PLEKHA8: variants seen among roughly 807,000 people sequenced by gnomAD.
PLEKHA8 encodes pleckstrin homology domain containing A8.
Under a neutral mutation model 68.2 loss-of-function variants are expected in PLEKHA8, and 36 were observed. The observed-to-expected ratio is 0.53, with a 90% CI of 0.40 to 0.70. The LOEUF is 0.70. Among genes scored for constraint, PLEKHA8 ranks in the 30% least tolerant of loss-of-function variants. The pLI is 0.00. For synonymous variants in PLEKHA8, 211 were observed against 216.1 expected, an observed-to-expected ratio of 0.98 and a Z score of 0.20; for missense variants, 505 against 615.4, an observed-to-expected ratio of 0.82 and a Z score of 1.90.
At chr7:30,048,528 T>G (rs1792144575) in intron 4 of PLEKHA8, among the ~76,000 whole-genome samples, 1 of 152,226 alleles carries the variant, frequency 6.6e-6, no homozygotes, top group South Asian at 2.1e-4. Context: ...TTTTAGCATT[T>G]ATTAATACAG....
chr7:30,076,500 T>G (rs1318999923), intron 13 of PLEKHA8, among the ~76,000 whole-genome samples: 1 of 152,208 alleles, frequency 6.6e-6, no homozygotes, highest in Non-Finnish European at 1.5e-5. Context: ...GCACTAGATG[T>G]TGTTTTAAGT....
In PLEKHA8 at chr7:30,080,369, G is replaced by A. The variant is rs1794864929; in HGVS notation, c.*1582G>A. 1.0e-6 allele frequency: 1 copy of A among 985,166 alleles called. No homozygotes were observed. Among genetic ancestry groups the A allele is most frequent in the Non-Finnish European group, 1.2e-6 (1 of 829,906 alleles). 61.0% of individuals were successfully genotyped at this position (985,166 alleles called of 1,614,324 possible). On this transcript the variant is annotated 3_prime_UTR_variant, in exon 14 of 14. Transcript: ENST00000449726. ...GGCTACTTCCTTCTAGTAACAGGAAGGGAAGTTCCAGCATGAGGTAGTTAT... is the reference window on the plus strand; with the variant it reads ...GGCTACTTCCTTCTAGTAACAGGAAAGGAAGTTCCAGCATGAGGTAGTTAT...
chr7:30,093,388 A>T (rs937119486), downstream of PLEKHA8, among the ~76,000 whole-genome samples: 2 of 152,228 alleles, frequency 1.3e-5, no homozygotes, highest in African/African-American at 4.8e-5. Context: ...GTCTTGCTCA[A>T]GGTGGGTGAG....
Position 30,067,566 on chromosome 7 carries a change from C to T in PLEKHA8, c.1300+4824C>T, listed in dbSNP as rs2127991832. Among the ~76,000 whole-genome samples the T allele has an allele frequency of 2.6e-5, 4 of 152,356 alleles. 1 individual carries two copies. The Middle Eastern group carries it at 0.014, about 518-fold the overall frequency. On this transcript the variant is annotated intron_variant, in intron 12 of 13. Transcript: ENST00000449726. Reference sequence around the variant, plus strand: ...TCAATACAGTTAAGTGCCCACGTGTCACTCCTTAATCCCGTGACTCCCATC... The same window carrying T: ...TCAATACAGTTAAGTGCCCACGTGTTACTCCTTAATCCCGTGACTCCCATC...
At chr7:30,052,182 A>G (rs1220866296) in intron 6 of PLEKHA8, among the ~76,000 whole-genome samples, 1 of 152,184 alleles carries the variant, frequency 6.6e-6, no homozygotes, top group Non-Finnish European at 1.5e-5. Context: ...GGGACTGCTG[A>G]GGTGCTGGGA....
chr7:30,092,980 A>G (rs1184771829), downstream of PLEKHA8, among the ~76,000 whole-genome samples: 1 of 152,226 alleles, frequency 6.6e-6, no homozygotes, highest in Non-Finnish European at 1.5e-5. Context: ...TTAGGATTCT[A>G]TCACTTGAAA....
chr7:30,122,893 A>G (rs1006672251), intron 13 of PLEKHA8, among the ~76,000 whole-genome samples: 1 of 152,184 alleles, frequency 6.6e-6, no homozygotes, highest in Non-Finnish European at 1.5e-5. Context: ...TGGGAGAGAG[A>G]GAGAGGAAGG....
rs1791289801 is a variant in PLEKHA8 at position 30,038,638 on chromosome 7, C to CA, written c.41-6446dup. Among the ~76,000 whole-genome samples, 3 of 152,228 alleles carry CA rather than the reference C, an allele frequency of 2.0e-5. No individual in the cohort carries two copies. The South Asian group carries it at 6.2e-4, about 32-fold the overall frequency. ...AAAGGACTATGCATTTATCAAAACT[C>CA]AGAATTGTTCGCCAAATAATGAATT... On this transcript the variant is annotated intron_variant, in intron 1 of 13. Coordinates refer to ENST00000449726, the MANE Select transcript of PLEKHA8 (RefSeq NM_001197026.2).
Position 30,056,742 on chromosome 7 carries a change from AGTGTGTGTG to A in PLEKHA8, c.1039+1401_1039+1409del, listed in dbSNP as rs1202899368. ...CCTGTCTCAAAAAAAAAAAAAAAAA[AGTGTGTGTG>A]TGTGTGTGTGTGTGTGTGTGTGTGT... On this transcript the variant is annotated intron_variant, in intron 9 of 13. Coordinates refer to ENST00000449726, the MANE Select transcript of PLEKHA8 (RefSeq NM_001197026.2). Among the ~76,000 whole-genome samples the A allele has an allele frequency of 6.6e-3, 492 of 74,758 alleles. 3 individuals carry two copies. Among genetic ancestry groups the A allele is most frequent in the African/African-American group, 0.015 (292 of 19,274 alleles). 49.0% of individuals were successfully genotyped at this position (74,758 alleles called of 152,430 possible).
chr7:30,037,810 C>CTT (rs1177904521), intron 1 of PLEKHA8, among the ~76,000 whole-genome samples: 3 of 150,716 alleles, frequency 2.0e-5, no homozygotes, highest in Non-Finnish European at 2.9e-5. Context: ...TAGTCTTGAA[C>CTT]TTTAAGTTCA....
At chr7:30,115,565 T>TGAATAC (rs1299411423) in intron 13 of PLEKHA8, among the ~76,000 whole-genome samples, 1 of 48,514 alleles carries the variant, frequency 2.1e-5, no homozygotes, top group African/African-American at 4.4e-5. Context: ...CATGTAGACA[T>TGAATAC]ATGTATACAT....
intron 1 of PLEKHA8, among the ~76,000 whole-genome samples, chr7:30,031,154 C>T (rs1389598661): frequency 6.6e-6 from 1 of 152,190 alleles, no homozygotes; most frequent in African/African-American, 2.4e-5. Context: ...ATCTACTGTG[C>T]TAGGCACAGG....
In PLEKHA8 at chr7:30,083,407, A is replaced by G; in HGVS notation, c.*4620A>G. 2.0e-6 allele frequency: 2 copies of G among 984,914 alleles called. No individual in the cohort carries two copies. Among genetic ancestry groups the G allele is most frequent in the African/African-American group, 1.7e-5 (1 of 57,342 alleles). The allele number at this position is 984,914 out of a possible 1,614,324, so 61.0% of individuals were successfully genotyped here. A position where few individuals can be genotyped will look rare whatever the true frequency, so the allele number is the denominator to read the frequency against. On this transcript the variant is annotated 3_prime_UTR_variant, in exon 14 of 14. Transcript: ENST00000449726. The stretch of plus-strand genomic sequence containing the variant: ...AACGTCATTAGGAGTTCTTTCAACA[A>G]TTCCATAAATATACTGTTTACTAGA...
At chr7:30,055,161 A>T (rs964515878) in intron 8 of PLEKHA8, 96 bp from the exon 9 acceptor site, 32 of 1,101,732 alleles carry the variant, frequency 2.9e-5, no homozygotes, top group Non-Finnish European at 3.9e-5. Context: ...GATTTGCCCT[A>T]CAGAGAGGCA....
At chr7:30,051,340 G>T (rs1792392105) in intron 6 of PLEKHA8, among the ~76,000 whole-genome samples, 1 of 150,068 alleles carries the variant, frequency 6.7e-6, no homozygotes, top group East Asian at 1.9e-4. Flanking sequence ...TTTTGCAGTT[G>T]TTGAGGTCTT....
intron 1 of PLEKHA8, among the ~76,000 whole-genome samples, chr7:30,037,817 T>G (rs186837908): frequency 2.0e-4 from 31 of 152,124 alleles, no homozygotes; most frequent in Admixed American, 1.2e-3. Context: ...GAACTTTAAG[T>G]TCAGGGGTAC....
At position 30,028,415 on chromosome 7, in the gene PLEKHA8, G is replaced by A. The variant is rs1184224368; in HGVS notation, c.-348G>A. On this transcript the variant is annotated 5_prime_UTR_variant, in exon 1 of 14. Coordinates refer to ENST00000449726, the MANE Select transcript of PLEKHA8 (RefSeq NM_001197026.2). ...CCGGCGAGTCGAGGGTTCAGGTGGT[G>A]CGCCGTGGCGCCGCCTGCGACCGGC... is the stretch of plus-strand genomic sequence containing the variant. The A allele has an allele frequency of 1.3e-5, 3 of 235,954 alleles. No individual in the cohort carries two copies. The highest frequency in any genetic ancestry group is 2.3e-5 in the African/African-American group (1 of 44,144). The allele number at this position is 235,954 out of a possible 1,614,324, so 14.6% of individuals were successfully genotyped here.
chr7:30,115,520 G>T (rs914698671), intron 13 of PLEKHA8, among the ~76,000 whole-genome samples: 4 of 102,240 alleles, frequency 3.9e-5, no homozygotes, highest in Non-Finnish European at 9.3e-5. Flanking sequence ...ACACATACAC[G>T]TATACATGTA....
chr7:30,120,678 G>A lies in PLEKHA8; in HGVS notation c.1363-8588G>A, dbSNP rs550188011. ...GAACCAATTTTAAAGTCACCAGTCA[G>A]GTCTAGTTTGGGTGAAATTAATGCA... is the stretch of plus-strand genomic sequence containing the variant. On this transcript the variant is annotated intron_variant, in intron 13 of 13. Transcript: ENST00000396257. Among the ~76,000 whole-genome samples the A allele has an allele frequency of 5.9e-5, 9 of 152,322 alleles. No homozygotes were observed. The South Asian group carries it at 1.9e-3, about 32-fold the overall frequency.
Sources: gnomAD v4.1 joint callset for allele counts (sites outside exome capture counted in the v4.1 genomes callset) on GRCh38, gnomAD v4.1.1 for gene constraint, MANE v1.5 for transcripts, NCBI Gene and HGNC (gene_info 2026-07-23, HGNC 2026-07-21) for gene names.